Variants in FHIP1A observed in about 807,000 individuals in gnomAD.
FHIP1A encodes the protein FHF complex subunit HOOK-interacting protein 1A.
Under a neutral mutation model 88.6 loss-of-function variants are expected in FHIP1A, and 61 were observed. That is an observed-to-expected ratio of 0.69 (90% CI 0.56 to 0.85). FHIP1A has a LOEUF of 0.85. FHIP1A is among the 40% of genes least tolerant of loss of function. The pLI is 0.00. For missense variants in FHIP1A, 1,154 were observed against 1,273.5 expected (o/e 0.91, Z 1.43); for synonymous variants, 478 against 496.0 (o/e 0.96, Z 0.48).
At chr4:151,441,628 G>A (rs1728416301) in intron 1 of FHIP1A, among the ~76,000 whole-genome samples, 1 of 152,090 alleles carries the variant, frequency 6.6e-6, no homozygotes, top group Admixed American at 6.6e-5. Flanking sequence ...TCATTCTTCA[G>A]GGTCTCAGAC....
intron 7 of FHIP1A, among the ~76,000 whole-genome samples, chr4:151,608,924 C>G (rs1464385884): frequency 1.3e-5 from 2 of 152,130 alleles, no homozygotes; most frequent in Non-Finnish European, 2.9e-5. Context: ...TTGTTGGGTT[C>G]TTAAATATTA....
At chr4:151,495,096 C>T (rs1247530319) in intron 3 of FHIP1A, among the ~76,000 whole-genome samples, 2 of 152,034 alleles carry the variant, frequency 1.3e-5, no homozygotes, top group Non-Finnish European at 2.9e-5. Context: ...CTGTGGGATT[C>T]TTTGGGTATA....
chr4:151,478,678 C>T (rs145127874), intron 2 of FHIP1A, among the ~76,000 whole-genome samples: 1 of 152,102 alleles, frequency 6.6e-6, no homozygotes, highest in East Asian at 1.9e-4. Flanking sequence ...CTTCTTAGAG[C>T]CTTAATATAC....
At chr4:151,476,535 A>G (rs1462669790) in intron 2 of FHIP1A, among the ~76,000 whole-genome samples, 1 of 152,158 alleles carries the variant, frequency 6.6e-6, no homozygotes, top group Non-Finnish European at 1.5e-5. Flanking sequence ...ACCTAAAACC[A>G]TCTGAGCCTA....
chr4:151,649,703 C>G lies in FHIP1A; in HGVS notation c.1662C>G (p.Leu554=), dbSNP rs1331694552. Residue 554 remains leucine, a synonymous_variant, in exon 11 of 14, where the codon CTC becomes CTG. Coordinates refer to ENST00000435205, the MANE Select transcript of FHIP1A (RefSeq NM_001109977.3). ...SVSSACPVFG[L]PQQLPRKTGP... The stretch of plus-strand genomic sequence containing the variant: ...GCTCGGCCTGCCCTGTGTTCGGGCT[C>G]CCGCAACAACTCCCCAGGAAGACAG... 1 of 1,551,492 alleles carries G rather than the reference C, an allele frequency of 6.4e-7. No individual in the cohort carries two copies. Among genetic ancestry groups the G allele is most frequent in the South Asian group, 1.2e-5 (1 of 84,046 alleles).
At chr4:151,438,076 C>G (rs955969358) in intron 1 of FHIP1A, among the ~76,000 whole-genome samples, 9 of 151,672 alleles carry the variant, frequency 5.9e-5, no homozygotes, top group Non-Finnish European at 1.3e-4. Context: ...TGGGAAAGTG[C>G]TGAGAGACCA....
At chr4:151,645,023 A>G (rs1165740339) in intron 9 of FHIP1A, among the ~76,000 whole-genome samples, 1 of 152,138 alleles carries the variant, frequency 6.6e-6, no homozygotes. Flanking sequence ...ATTTTTCCTC[A>G]TTGCTAAAGT....
chr4:151,517,731 C>G (rs1311829238), intron 3 of FHIP1A, among the ~76,000 whole-genome samples: 1 of 151,976 alleles, frequency 6.6e-6, no homozygotes, highest in Non-Finnish European at 1.5e-5. Context: ...TGATTCTGAC[C>G]ATGTGCAAGC....
intron 2 of FHIP1A, among the ~76,000 whole-genome samples, chr4:151,479,110 A>G (rs896616562): frequency 2.6e-5 from 4 of 152,120 alleles, no homozygotes; most frequent in African/African-American, 9.6e-5. Context: ...CTTTTCCTAA[A>G]GCTTTAGAAG....
At chr4:151,524,301 CAAAAA>C (rs5862962) in intron 3 of FHIP1A, among the ~76,000 whole-genome samples, 2 of 136,640 alleles carry the variant, frequency 1.5e-5, no homozygotes, top group South Asian at 4.9e-4. Context: ...GAATCTGTCT[CAAAAA>C]AAAAAAAAAA....
intron 1 of FHIP1A, among the ~76,000 whole-genome samples, chr4:151,410,022 T>G (rs1240403688): frequency 6.6e-6 from 1 of 152,204 alleles, no homozygotes; most frequent in Non-Finnish European, 1.5e-5. Context: ...ATAGTGTGTA[T>G]GTGTTTGTGT....
intron 9 of FHIP1A, among the ~76,000 whole-genome samples, chr4:151,646,300 A>G (rs554230872): frequency 1.3e-5 from 2 of 152,202 alleles, no homozygotes; most frequent in Non-Finnish European, 2.9e-5. Context: ...ATGGAGTTTG[A>G]AGAGGGATCG....
chr4:151,657,943 C>G (rs1737311261), intron 13 of FHIP1A, among the ~76,000 whole-genome samples: 1 of 152,208 alleles, frequency 6.6e-6, no homozygotes, highest in Non-Finnish European at 1.5e-5. Context: ...GATTTGTTCT[C>G]CATCTCTTAG....
At chr4:151,552,905 G>C (rs1269346048) in intron 3 of FHIP1A, among the ~76,000 whole-genome samples, 5 of 151,938 alleles carry the variant, frequency 3.3e-5, no homozygotes, top group African/African-American at 9.7e-5. Context: ...GGGTGTGTGT[G>C]TATGTGTGTG....
chr4:151,578,308 A>T (rs1179317080), intron 5 of FHIP1A, among the ~76,000 whole-genome samples: 3 of 152,116 alleles, frequency 2.0e-5, no homozygotes, highest in Non-Finnish European at 4.4e-5. Flanking sequence ...TAGATGTGTT[A>T]CCATTTTTGG....
chr4:151,652,224 C>T (rs986494262), intron 11 of FHIP1A, among the ~76,000 whole-genome samples: 1 of 152,172 alleles, frequency 6.6e-6, no homozygotes. Context: ...ACATATAATA[C>T]ACCTGAGAAC....
chr4:151,477,953 A>G (rs762311229), intron 2 of FHIP1A, among the ~76,000 whole-genome samples: 3 of 152,192 alleles, frequency 2.0e-5, no homozygotes, highest in Non-Finnish European at 4.4e-5. Flanking sequence ...AATTTATCCT[A>G]GATACAAAAA....
intron 3 of FHIP1A, among the ~76,000 whole-genome samples, chr4:151,498,456 A>T (rs1295956630): frequency 1.3e-5 from 2 of 152,078 alleles, no homozygotes; most frequent in African/African-American, 4.8e-5. Context: ...AGGGTAGGGG[A>T]GGGCGGTTTG....
intron 3 of FHIP1A, among the ~76,000 whole-genome samples, chr4:151,551,862 G>A (rs1482277250): frequency 3.9e-5 from 6 of 152,110 alleles, no homozygotes; most frequent in Non-Finnish European, 2.9e-5. Flanking sequence ...AGAGTGCACA[G>A]CAAAAGAAAC....
Sources: allele counts gnomAD v4.1 joint callset (sites outside exome capture counted in the v4.1 genomes callset), GRCh38; gene constraint gnomAD v4.1.1; transcripts MANE v1.5; gene names NCBI Gene and HGNC (gene_info 2026-07-23, HGNC 2026-07-21).